The following FARS2 variants were observed in gnomAD, a reference collection of about 807,000 sequenced individuals.
FARS2 encodes the protein phenylalanyl-tRNA synthetase 2, mitochondrial, also known as phenylalanine--tRNA ligase, mitochondrial.
In FARS2, 40 loss-of-function variants were observed where a neutral mutation model predicts 46.4. The ratio of observed to expected loss-of-function variants is 0.86; its 90% CI spans 0.67 to 1.12. The LOEUF (loss-of-function observed/expected upper bound fraction) is 1.12, where lower values mean the gene tolerates loss of function less well. Among genes scored for constraint, FARS2 ranks in the 50% most tolerant of loss-of-function variants. The pLI, the probability that FARS2 is intolerant of heterozygous loss-of-function variation, is 0.00. For missense variants in FARS2, 513 were observed against 567.9 expected, an observed-to-expected ratio of 0.90 and a Z score of 0.98; for synonymous variants, 234 against 214.9, an observed-to-expected ratio of 1.09 and a Z score of -0.78.
At chr6:5,522,474 G>A (rs1414943974) in intron 4 of FARS2, among the ~76,000 whole-genome samples, 4 of 152,234 alleles carry the variant, frequency 2.6e-5, no homozygotes, top group Non-Finnish European at 4.4e-5. Flanking sequence ...GGGACAGCCT[G>A]CATCATTGTT....
chr6:5,579,720 C>T (rs1490430155), intron 5 of FARS2, among the ~76,000 whole-genome samples: 1 of 152,186 alleles, frequency 6.6e-6, no homozygotes, highest in Non-Finnish European at 1.5e-5. Flanking sequence ...CTGACCAGCA[C>T]TTCGTATCTT....
At chr6:5,253,633 A>G in the FARS2 span, among the ~76,000 whole-genome samples, 1 of 152,152 alleles carries the variant, frequency 6.6e-6, no homozygotes, top group Non-Finnish European at 1.5e-5. Context: ...TGCAAAGGAG[A>G]CGAGAGCCTT....
At chr6:5,460,575 A>G (rs1765186949) in intron 4 of FARS2, among the ~76,000 whole-genome samples, 1 of 152,070 alleles carries the variant, frequency 6.6e-6, no homozygotes, top group African/African-American at 2.4e-5. Context: ...TTGGGATGGG[A>G]GGGAGTCAGG....
At chr6:5,593,336 G>A (rs776718330) in intron 5 of FARS2, among the ~76,000 whole-genome samples, 2 of 152,008 alleles carry the variant, frequency 1.3e-5, no homozygotes, top group Admixed American at 6.5e-5. Flanking sequence ...AAACACAGAG[G>A]TGCACGGCCG....
chr6:5,256,005 G>C, the FARS2 span, among the ~76,000 whole-genome samples: 2 of 151,828 alleles, frequency 1.3e-5, no homozygotes, highest in Non-Finnish European at 2.9e-5. Context: ...TACTTGATGT[G>C]TATTAACTCA....
intron 3 of FARS2, among the ~76,000 whole-genome samples, chr6:5,425,972 C>T (rs9392683): frequency 6.6e-6 from 1 of 151,622 alleles, no homozygotes; most frequent in Admixed American, 6.6e-5. Flanking sequence ...GTAAGCTTCC[C>T]GCGGTTTCAC....
intron 1 of FARS2, among the ~76,000 whole-genome samples, chr6:5,325,952 A>C (rs1770346148): frequency 6.6e-6 from 1 of 152,234 alleles, no homozygotes; most frequent in South Asian, 2.1e-4. Context: ...AGAGATGGAA[A>C]ATCTCACAAT....
intron 6 of FARS2, among the ~76,000 whole-genome samples, chr6:5,715,157 G>T (rs1192981690): frequency 6.6e-6 from 1 of 152,090 alleles, no homozygotes; most frequent in Non-Finnish European, 1.5e-5. Flanking sequence ...TGTTACATTT[G>T]AGGGAACTAG....
intron 4 of FARS2, among the ~76,000 whole-genome samples, chr6:5,462,921 G>A (rs1765322145): frequency 6.6e-6 from 1 of 152,288 alleles, no homozygotes; most frequent in Non-Finnish European, 1.5e-5. Flanking sequence ...GAGTTAGGAT[G>A]GAATTTATAT....
intron 6 of FARS2, among the ~76,000 whole-genome samples, chr6:5,708,500 G>A (rs996656155): frequency 5.3e-5 from 8 of 152,092 alleles, no homozygotes; most frequent in Non-Finnish European, 1.0e-4. Context: ...CAGGTGAAAA[G>A]GGGGCTCAGT....
chr6:5,501,977 T>C (rs114983139), intron 4 of FARS2, among the ~76,000 whole-genome samples: 1,700 of 152,348 alleles, frequency 0.011, 29 homozygotes, highest in African/African-American at 0.038. Context: ...CGTTCTTCTC[T>C]TCTCCCAGGC....
intron 6 of FARS2, among the ~76,000 whole-genome samples, chr6:5,749,214 A>G (rs966924584): frequency 6.6e-6 from 1 of 152,230 alleles, no homozygotes; most frequent in African/African-American, 2.4e-5. Context: ...GAATGCCTCC[A>G]AGAACACGCC....
intron 4 of FARS2, chr6:5,466,903 C>A: frequency 1.0e-6 from 1 of 985,208 alleles, no homozygotes; most frequent in Non-Finnish European, 1.2e-6. Context: ...AGCACATGGG[C>A]ACCTCGGCCT....
intron 2 of FARS2, among the ~76,000 whole-genome samples, chr6:5,388,141 C>G (rs1760257929): frequency 1.3e-5 from 2 of 152,108 alleles, no homozygotes; most frequent in South Asian, 4.1e-4. Context: ...AAGCACTTAT[C>G]TACTAATGCT....
At chr6:5,582,450 A>G (rs1773391733) in intron 5 of FARS2, among the ~76,000 whole-genome samples, 1 of 152,252 alleles carries the variant, frequency 6.6e-6, no homozygotes, top group Admixed American at 6.5e-5. Context: ...AATCTTTACA[A>G]TAACACCATA....
chr6:5,650,573 T>C (rs9504474), intron 6 of FARS2, among the ~76,000 whole-genome samples: 82,529 of 151,964 alleles, frequency 0.54, 23,148 homozygotes, highest in Middle Eastern at 0.67. Context: ...CTCCCCCTCC[T>C]GGGTTCACGC....
chr6:5,351,344 G>C (rs1428042374), intron 1 of FARS2, among the ~76,000 whole-genome samples: 1 of 152,192 alleles, frequency 6.6e-6, no homozygotes, highest in Non-Finnish European at 1.5e-5. Flanking sequence ...AAAGGGACTG[G>C]ACAGGGAGAT....
At chr6:5,469,858 G>A (rs1765714449) in intron 4 of FARS2, among the ~76,000 whole-genome samples, 1 of 152,134 alleles carries the variant, frequency 6.6e-6, no homozygotes, top group Admixed American at 6.6e-5. Context: ...GGATTTTGAG[G>A]TTCTGCATCT....
intron 4 of FARS2, among the ~76,000 whole-genome samples, chr6:5,506,732 G>A (rs1325843181): frequency 6.6e-6 from 1 of 152,218 alleles, no homozygotes; most frequent in Non-Finnish European, 1.5e-5. Flanking sequence ...ATGGCAACTG[G>A]TGAGAAAGGT....
Sources: gnomAD v4.1 joint callset for allele counts (sites outside exome capture counted in the v4.1 genomes callset) on GRCh38, gnomAD v4.1.1 for gene constraint, MANE v1.5 for transcripts, NCBI Gene and HGNC (gene_info 2026-07-23, HGNC 2026-07-21) for gene names.